GALNT5: variants seen among roughly 807,000 people sequenced by gnomAD.
The protein encoded by GALNT5 is polypeptide N-acetylgalactosaminyltransferase 5, also known as UDP-GalNAc:polypeptide N-acetylgalactosaminyltransferase 5.
GALNT5 carries 72 observed loss-of-function variants against 85.4 expected under a neutral mutation model. The ratio of observed to expected loss-of-function variants is 0.84; its 90% confidence interval spans 0.70 to 1.03. GALNT5 has a LOEUF of 1.03. Among genes scored for constraint, GALNT5 ranks in the 50% least tolerant of loss-of-function variants. GALNT5 has a pLI of 0.00. For missense variants in GALNT5, 1,137 were observed against 1,135.5 expected, an observed-to-expected ratio of 1.00 and a Z score of -0.02; for synonymous variants, 404 against 397.0, an observed-to-expected ratio of 1.02 and a Z score of -0.21.
chr2:157,257,981 G>C lies in GALNT5; in HGVS notation c.-102G>C. 8.6e-7 allele frequency: 1 copy of C among 1,161,650 alleles called. No homozygotes were observed. Among genetic ancestry groups the C allele is most frequent in the Non-Finnish European group, 1.2e-6 (1 of 814,732 alleles). The allele number at this position is 1,161,650 out of a possible 1,614,324, so 72.0% of individuals were successfully genotyped here. Reference sequence around the variant, plus strand: ...GTTCAGGGGAGGGGGTCACTTTCTGGCAACTCTGCTGCTGCTGCTGCTGCT... The same window carrying C: ...GTTCAGGGGAGGGGGTCACTTTCTGCCAACTCTGCTGCTGCTGCTGCTGCT... On this transcript the variant is annotated 5_prime_UTR_variant, in exon 1 of 10. Coordinates refer to ENST00000259056, the MANE Select transcript of GALNT5 (RefSeq NM_014568.3).
intron 1 of GALNT5, among the ~76,000 whole-genome samples, chr2:157,275,679 TC>T (rs1421855000): frequency 2.6e-5 from 4 of 152,250 alleles, no homozygotes; most frequent in Non-Finnish European, 5.9e-5. Context: ...TGATTTTGTA[TC>T]CTGAGACTTT....
intron 3 of GALNT5, among the ~76,000 whole-genome samples, chr2:157,293,572 T>C (rs572529912): frequency 6.6e-6 from 1 of 152,292 alleles, no homozygotes; most frequent in East Asian, 1.9e-4. Flanking sequence ...AATAGGACCC[T>C]TCCAGCCTGG....
rs1395962829 is a variant in GALNT5, at chr2:157,312,006, A to T, written c.*658A>T. 1 of 152,186 alleles carries T rather than the reference A, an allele frequency of 6.6e-6. No individual in the cohort carries two copies. The highest frequency in any genetic ancestry group is 2.4e-5 in the African/African-American group (1 of 41,446). 9.4% of individuals were successfully genotyped at this position (152,186 alleles called of 1,614,324 possible). A position where few individuals can be genotyped will look rare whatever the true frequency, so the allele number is the denominator to read the frequency against. ...TAAGTGAGGAAGAAGAGGCCTTCAA[A>T]TGCTTATTTAATTCTAGGTATGAAC... is the stretch of plus-strand genomic sequence containing the variant. On this transcript the variant is annotated 3_prime_UTR_variant, in exon 10 of 10. Transcript: ENST00000259056.
intron 1 of GALNT5, among the ~76,000 whole-genome samples, chr2:157,278,371 T>C (rs1230495466): frequency 6.6e-6 from 1 of 151,518 alleles, no homozygotes; most frequent in Admixed American, 6.6e-5. Flanking sequence ...GTTGGCTAGG[T>C]TGGGGACATT....
chr2:157,293,841 A>C (rs1468521841), intron 3 of GALNT5, among the ~76,000 whole-genome samples: 1 of 152,216 alleles, frequency 6.6e-6, no homozygotes, highest in Non-Finnish European at 1.5e-5. Context: ...TCTCATACCC[A>C]AAGCTCTGCC....
intron 5 of GALNT5, among the ~76,000 whole-genome samples, chr2:157,296,939 A>G (rs962582469): frequency 6.6e-6 from 1 of 152,232 alleles, no homozygotes; most frequent in East Asian, 1.9e-4. Flanking sequence ...TACCCCCTCC[A>G]TGAGAAAAGT....
chr2:157,316,146 T>A lies in GALNT5; in HGVS notation c.*4798T>A, dbSNP rs1372870763. On this transcript the variant is annotated 3_prime_UTR_variant, in exon 10 of 10. Transcript: ENST00000259056. ...GTGGCTTCACTTCACCAGTGCCATG[T>A]CACCCACACACCTGGTGACAAGGAA... Among the ~76,000 whole-genome samples, 1 of 152,066 alleles carries A rather than the reference T, an allele frequency of 6.6e-6. No homozygotes were observed. The highest frequency in any genetic ancestry group is 1.5e-5 in the Non-Finnish European group (1 of 68,010).
At chr2:157,293,769 G>A (rs1683152226) in intron 3 of GALNT5, among the ~76,000 whole-genome samples, 1 of 152,158 alleles carries the variant, frequency 6.6e-6, no homozygotes, top group Non-Finnish European at 1.5e-5. Context: ...GAGGTAGTTT[G>A]CAGATTTCAG....
chr2:157,292,201 T>C (rs1683116182), intron 3 of GALNT5, among the ~76,000 whole-genome samples: 1 of 152,170 alleles, frequency 6.6e-6, no homozygotes, highest in Non-Finnish European at 1.5e-5. Context: ...AAGGCTGTTG[T>C]ATGTAACTTT....
rs534111258 is a variant in GALNT5 at position 157,273,729 on chromosome 2, G to A, written c.1455-10553G>A. Reference sequence around the variant, plus strand: ...ACAATCTCAGCTCACCGCAACCTCCGCCTCTGGGGTTCAAGCAATTCTCCT... The same window carrying A: ...ACAATCTCAGCTCACCGCAACCTCCACCTCTGGGGTTCAAGCAATTCTCCT... On this transcript the variant is annotated intron_variant, in intron 1 of 9. Coordinates refer to ENST00000259056, the MANE Select transcript of GALNT5 (RefSeq NM_014568.3). Among the ~76,000 whole-genome samples, 30 of 130,314 alleles carry A rather than the reference G, an allele frequency of 2.3e-4. 1 individual carries two copies. In the East Asian group the frequency reaches 3.9e-3, roughly 17 times the overall value. 85.5% of individuals were successfully genotyped at this position (130,314 alleles called of 152,430 possible).
chr2:157,274,195 C>T (rs950121922), intron 1 of GALNT5, among the ~76,000 whole-genome samples: 7 of 152,150 alleles, frequency 4.6e-5, no homozygotes, highest in African/African-American at 1.4e-4. Flanking sequence ...TGTATATGTG[C>T]CATGTTTTCT....
chr2:157,275,874 G>C (rs537558643), intron 1 of GALNT5, among the ~76,000 whole-genome samples: 2 of 152,306 alleles, frequency 1.3e-5, no homozygotes, highest in East Asian at 3.9e-4. Flanking sequence ...TAGGAGTGGT[G>C]AGAGGGGCAA....
intron 3 of GALNT5, among the ~76,000 whole-genome samples, chr2:157,286,617 C>A (rs1028318802): frequency 1.3e-5 from 2 of 152,122 alleles, no homozygotes; most frequent in Non-Finnish European, 2.9e-5. Flanking sequence ...CGTTCTCCTG[C>A]CTCAGCCTCC....
Position 157,308,708 on chromosome 2 carries a change from T to G in GALNT5, c.2662T>G (p.Ser888Ala), listed in dbSNP as rs1288724104. The change falls in exon 9 of 10, where the codon TCA becomes GCA. Residue 888 changes from serine to alanine, a missense_variant. Coordinates refer to ENST00000259056, the MANE Select transcript of GALNT5 (RefSeq NM_014568.3). ...KGLKWLHKST[S>A]VFHPELVNHI... ...GCTAAAATGGCTGCATAAATCAACA[T>G]CAGTCTTTCATCCAGAACTGGTAAG... 2.5e-6 allele frequency: 4 copies of G among 1,612,464 alleles called. No individual in the cohort carries two copies. Among genetic ancestry groups the G allele is most frequent in the Non-Finnish European group, 3.4e-6 (4 of 1,179,528 alleles).
intron 1 of GALNT5, among the ~76,000 whole-genome samples, chr2:157,273,519 GA>G (rs951436285): frequency 1.3e-4 from 19 of 141,186 alleles, no homozygotes; most frequent in East Asian, 4.1e-4. Flanking sequence ...CAAATTTAGG[GA>G]AAAAAAAACA....
intron 1 of GALNT5, among the ~76,000 whole-genome samples, chr2:157,272,282 C>T (rs775033670): frequency 9.2e-5 from 14 of 152,132 alleles, no homozygotes; most frequent in Non-Finnish European, 1.9e-4. Flanking sequence ...GGTATCCCAC[C>T]TATCTACCCT....
chr2:157,276,824 G>A (rs1208407272), intron 1 of GALNT5, among the ~76,000 whole-genome samples: 2 of 151,840 alleles, frequency 1.3e-5, no homozygotes, highest in Non-Finnish European at 2.9e-5. Flanking sequence ...ATCTCCTTCA[G>A]TTCTGCTCTG....
intron 1 of GALNT5, among the ~76,000 whole-genome samples, chr2:157,279,352 T>C (rs868339268): frequency 2.0e-5 from 3 of 152,254 alleles, no homozygotes; most frequent in Middle Eastern, 3.2e-3. Context: ...CACTGCTCTT[T>C]TCAGAGCGGT....
intron 1 of GALNT5, among the ~76,000 whole-genome samples, chr2:157,262,144 G>C (rs1682355415): frequency 6.9e-6 from 1 of 145,266 alleles, no homozygotes; most frequent in Admixed American, 7.0e-5. Context: ...CACTGTTATA[G>C]ATGAATTCAC....
Sources: allele counts gnomAD v4.1 joint callset (sites outside exome capture counted in the v4.1 genomes callset), GRCh38; gene constraint gnomAD v4.1.1; transcripts MANE v1.5; gene names NCBI Gene and HGNC (gene_info 2026-07-23, HGNC 2026-07-21).